Variants in CERK observed in about 807,000 individuals in gnomAD.
CERK encodes the protein ceramide kinase, also known as acylsphingosine kinase.
A neutral mutation model predicts 63.4 loss-of-function variants in CERK; 39 were observed. The ratio of observed to expected loss-of-function variants is 0.61; its 90% CI spans 0.48 to 0.80. CERK has a LOEUF of 0.80. CERK is among the 30% of genes least tolerant of loss of function. The probability of loss-of-function intolerance (pLI) is 0.00; values close to 1 mark genes in which losing one functional copy is unlikely to be tolerated. For synonymous variants in CERK, 302 were observed against 280.0 expected (o/e 1.08, Z -0.78); for missense variants, 670 against 714.1 (o/e 0.94, Z 0.70).
intron 10 of CERK, among the ~76,000 whole-genome samples, chr22:46,692,252 A>AC (rs34180073): frequency 0.2 from 30,591 of 150,102 alleles, 3,218 homozygotes; most frequent in East Asian, 0.36. Context: ...CATGGTGAAA[A>AC]CCATCTCTAC....
At chr22:46,726,185 G>A (rs906512136) in intron 1 of CERK, among the ~76,000 whole-genome samples, 5 of 152,248 alleles carry the variant, frequency 3.3e-5, no homozygotes, top group African/African-American at 4.8e-5. Flanking sequence ...CAGACCTCAC[G>A]CAGCCGTCGG....
rs145050492 is a variant in CERK at position 46,710,881 on chromosome 22, G to A, written c.569+205C>T. 4.2e-4 allele frequency among the ~76,000 whole-genome samples: 64 copies of A among 152,278 alleles called. 1 individual carries two copies. The East Asian group carries it at 9.4e-3, about 22-fold the overall frequency. ...ACAGAACCAGCAAACAACCATTCTC[G>A]CCCAGCCCAGCCAGAGAGGAGTGTG... On this transcript the variant is annotated intron_variant, in intron 5 of 12. Coordinates refer to ENST00000216264, the MANE Select transcript of CERK (RefSeq NM_022766.6).
intron 9 of CERK, among the ~76,000 whole-genome samples, chr22:46,694,678 G>T (rs914930463): frequency 6.6e-6 from 1 of 152,178 alleles, no homozygotes; most frequent in African/African-American, 2.4e-5. Context: ...GCTGGCCTGG[G>T]CTCTGCTAAC....
At chr22:46,728,167 C>A (rs935864229) in intron 1 of CERK, among the ~76,000 whole-genome samples, 3 of 152,104 alleles carry the variant, frequency 2.0e-5, no homozygotes, top group Non-Finnish European at 4.4e-5. Context: ...CACAGAACAC[C>A]CGCCGTCCCC....
At chr22:46,699,607 TTC>T (rs770445062) in intron 7 of CERK, 142 bp from the exon 8 acceptor site, 3 of 712,022 alleles carry the variant, frequency 4.2e-6, no homozygotes, top group Non-Finnish European at 4.6e-6. Flanking sequence ...AGTGCAAGGA[TTC>T]TCTCTCTTGG....
intron 6 of CERK, among the ~76,000 whole-genome samples, chr22:46,704,911 C>T (rs539170889): frequency 1.8e-4 from 28 of 151,844 alleles, no homozygotes; most frequent in Admixed American, 1.6e-3. Flanking sequence ...TTTACAAAAG[C>T]ACACAATGCA....
intron 6 of CERK, among the ~76,000 whole-genome samples, chr22:46,706,015 G>A (rs2082811059): frequency 6.6e-6 from 1 of 152,238 alleles, no homozygotes; most frequent in Non-Finnish European, 1.5e-5. Context: ...TCCAAACTAG[G>A]TGACAGAGTG....
intron 1 of CERK, among the ~76,000 whole-genome samples, chr22:46,734,925 C>T (rs989778354): frequency 9.2e-5 from 14 of 152,184 alleles, no homozygotes; most frequent in Non-Finnish European, 1.9e-4. Flanking sequence ...AGGCACTTTG[C>T]AGGGTGTGCT....
intron 5 of CERK, among the ~76,000 whole-genome samples, chr22:46,710,829 G>T (rs895711465): frequency 2.0e-5 from 3 of 152,202 alleles, no homozygotes; most frequent in Non-Finnish European, 4.4e-5. Context: ...CACCGCATAA[G>T]CACATCTTCT....
At chr22:46,726,247 G>A (rs2082917631) in intron 1 of CERK, among the ~76,000 whole-genome samples, 1 of 152,246 alleles carries the variant, frequency 6.6e-6, no homozygotes, top group African/African-American at 2.4e-5. Context: ...GAACAAGAGC[G>A]AGTTCCCAGC....
At chr22:46,734,402 G>A (rs944304848) in intron 1 of CERK, among the ~76,000 whole-genome samples, 18 of 151,548 alleles carry the variant, frequency 1.2e-4, no homozygotes, top group Non-Finnish European at 2.2e-4. Context: ...GCACAAAGAC[G>A]TGCACATGGC....
At chr22:46,712,994 G>A (rs373692924) in intron 3 of CERK, among the ~76,000 whole-genome samples, 5 of 151,568 alleles carry the variant, frequency 3.3e-5, no homozygotes, top group Admixed American at 1.3e-4. Flanking sequence ...ACAGGCGCCC[G>A]CCACCACGCC....
chr22:46,699,552 C>T (rs931849761), intron 7 of CERK, 87 bp from the exon 8 acceptor site: 30 of 1,246,258 alleles, frequency 2.4e-5, no homozygotes, highest in South Asian at 1.2e-4. Context: ...ACTTTGCAAA[C>T]GTGGGAGTTA....
intron 12 of CERK, among the ~76,000 whole-genome samples, chr22:46,689,431 C>T (rs893493271): frequency 2.0e-5 from 3 of 152,236 alleles, no homozygotes; most frequent in African/African-American, 7.2e-5. Context: ...AGTGCAGTGG[C>T]ATGGTCTCGG....
chr22:46,711,432 T>G (rs2082840502), intron 4 of CERK, among the ~76,000 whole-genome samples: 1 of 152,186 alleles, frequency 6.6e-6, no homozygotes, highest in Non-Finnish European at 1.5e-5. Flanking sequence ...AGAGATTACG[T>G]CTCTTTTATA....
At chr22:46,694,346 C>G (rs801712) in intron 9 of CERK, among the ~76,000 whole-genome samples, 55,291 of 151,906 alleles carry the variant, frequency 0.36, 13,414 homozygotes, top group African/African-American at 0.68. Context: ...ACACTGGTCG[C>G]ATATTACTGA....
intron 1 of CERK, among the ~76,000 whole-genome samples, chr22:46,737,511 C>T (rs1025299032): frequency 6.6e-6 from 1 of 152,230 alleles, no homozygotes; most frequent in Non-Finnish European, 1.5e-5. Context: ...CACAGAAAGT[C>T]AGGGGCCCCT....
intron 8 of CERK, among the ~76,000 whole-genome samples, chr22:46,698,315 G>A (rs1392900166): frequency 6.6e-6 from 1 of 152,272 alleles, no homozygotes; most frequent in Non-Finnish European, 1.5e-5. Context: ...CTGCGGCCGA[G>A]CCGCAGGAAG....
At chr22:46,710,342 G>T (rs1006897215) in intron 5 of CERK, among the ~76,000 whole-genome samples, 1 of 151,636 alleles carries the variant, frequency 6.6e-6, no homozygotes, top group African/African-American at 2.4e-5. Context: ...GTTGAGGCAG[G>T]AGAATCATTT....
Sources: gnomAD v4.1 joint callset for allele counts (sites outside exome capture counted in the v4.1 genomes callset) on GRCh38, gnomAD v4.1.1 for gene constraint, MANE v1.5 for transcripts, NCBI Gene and HGNC (gene_info 2026-07-23, HGNC 2026-07-21) for gene names.